The following GXYLT2 variants were observed in gnomAD, a reference collection of about 807,000 sequenced individuals.
The protein encoded by GXYLT2 is glycosyltransferase 8 domain containing 4.
In GXYLT2, 53 loss-of-function variants were observed where a neutral mutation model predicts 45.8. The ratio of observed to expected loss-of-function variants is 1.16; its 90% confidence interval spans 0.93 to 1.46. GXYLT2 has a LOEUF of 1.46. Ranked by LOEUF, GXYLT2 falls within the 40% of genes most tolerant of loss-of-function variation. GXYLT2 has a pLI of 0.00. For missense variants in GXYLT2, 551 were observed against 544.4 expected (o/e 1.01, Z -0.12); for synonymous variants, 219 against 214.2 (o/e 1.02, Z -0.19).
At chr3:72,902,904 T>G (rs1709434693) in intron 1 of GXYLT2, among the ~76,000 whole-genome samples, 2 of 152,090 alleles carry the variant, frequency 1.3e-5, no homozygotes, top group African/African-American at 4.8e-5. Context: ...TCCCAGCTAC[T>G]CGGGAGGCTG....
At chr3:72,965,103 A>G (rs1212406886) in intron 5 of GXYLT2, among the ~76,000 whole-genome samples, 3 of 152,178 alleles carry the variant, frequency 2.0e-5, no homozygotes, top group Non-Finnish European at 4.4e-5. Context: ...TGTATGTGCA[A>G]ATGTTCAGGT....
chr3:72,933,835 C>T (rs1020884119), intron 3 of GXYLT2, among the ~76,000 whole-genome samples: 8 of 152,034 alleles, frequency 5.3e-5, no homozygotes, highest in Non-Finnish European at 1.0e-4. Flanking sequence ...TCCAGGAGAT[C>T]GAGGCTGCAG....
At chr3:72,940,911 C>G (rs1445482614) in intron 3 of GXYLT2, among the ~76,000 whole-genome samples, 1 of 152,104 alleles carries the variant, frequency 6.6e-6, no homozygotes, top group Non-Finnish European at 1.5e-5. Context: ...AACTCCTGGC[C>G]TCAAGCAATA....
At chr3:72,889,088 C>G (rs1709126610) in intron 1 of GXYLT2, among the ~76,000 whole-genome samples, 1 of 152,144 alleles carries the variant, frequency 6.6e-6, no homozygotes, top group Admixed American at 6.5e-5. Flanking sequence ...CTGTTTCAGG[C>G]TCGAGTGTGG....
chr3:72,933,159 A>G (rs1296566688), intron 3 of GXYLT2, among the ~76,000 whole-genome samples: 1 of 152,192 alleles, frequency 6.6e-6, no homozygotes, highest in Non-Finnish European at 1.5e-5. Context: ...AACTACTGAG[A>G]CAGTTAATTC....
intron 1 of GXYLT2, 140 bp downstream of exon 1, chr3:72,888,648 C>A: frequency 1.8e-6 from 1 of 564,136 alleles, no homozygotes; most frequent in Non-Finnish European, 2.3e-6. Context: ...TGTTTCTTAA[C>A]CCGATAGAAA....
At chr3:72,901,484 A>G (rs539366917) in intron 1 of GXYLT2, among the ~76,000 whole-genome samples, 8 of 148,644 alleles carry the variant, frequency 5.4e-5, no homozygotes, top group African/African-American at 1.2e-4. Context: ...AAAAAAGTAT[A>G]CTATTCCATC....
At chr3:72,900,157 A>G (rs981019722) in intron 1 of GXYLT2, among the ~76,000 whole-genome samples, 10 of 152,242 alleles carry the variant, frequency 6.6e-5, no homozygotes, top group Non-Finnish European at 1.2e-4. Context: ...AGTAAATAGC[A>G]CTACACATAA....
chr3:72,975,258 TC>T lies in GXYLT2; in HGVS notation c.*101del. On this transcript the variant is annotated 3_prime_UTR_variant, in exon 7 of 7. Coordinates refer to ENST00000389617, the MANE Select transcript of GXYLT2 (RefSeq NM_001080393.2). ...TTTTTGTGTGAATATTTAATGGTGC[TC>T]CATGACTGTTGAGTTTTAAAAACCT... 1 of 833,448 alleles carries T rather than the reference TC, an allele frequency of 1.2e-6. No individual in the cohort carries two copies. The highest frequency in any genetic ancestry group is 1.8e-6 in the Non-Finnish European group (1 of 570,006). The allele number at this position is 833,448 out of a possible 1,614,324, so 51.6% of individuals were successfully genotyped here. A position where few individuals can be genotyped will look rare whatever the true frequency, so the allele number is the denominator to read the frequency against.
At chr3:72,889,906 T>TTG (rs1709148598) in intron 1 of GXYLT2, among the ~76,000 whole-genome samples, 3 of 134,986 alleles carry the variant, frequency 2.2e-5, no homozygotes, top group African/African-American at 9.2e-5. Context: ...GTTTTTTTTT[T>TTG]GTTTTTTTTT....
intron 6 of GXYLT2, among the ~76,000 whole-genome samples, chr3:72,968,078 A>G (rs983184793): frequency 1.3e-5 from 2 of 152,060 alleles, no homozygotes; most frequent in South Asian, 4.1e-4. Context: ...GGTTCAAGTG[A>G]TTTTCCTGCC....
rs1451679894 is a variant in GXYLT2, at chr3:72,888,450, C to T, written c.217C>T (p.Pro73Ser). The change falls in exon 1 of 7, where the codon CCG becomes TCG. Residue 73 changes from proline (P) to serine (S), a missense_variant. Physicochemically the swap from Pro to Ser is moderately conservative, Grantham distance 74. Coordinates refer to ENST00000389617, the MANE Select transcript of GXYLT2 (RefSeq NM_001080393.2). ...CCCGGGAGTTCGGAGGCGCCGGCCCCCGCGTCCGCGCCCCCGAGCGGGCCG... is the reference window on the plus strand; with the variant it reads ...CCCGGGAGTTCGGAGGCGCCGGCCCTCGCGTCCGCGCCCCCGAGCGGGCCG... ...ASPGVRRRRP[P>S]RPRPRAGRRG... is the part of the protein sequence containing the mutation. 4 of 1,212,840 alleles carry T rather than the reference C, an allele frequency of 3.3e-6. No individual in the cohort carries two copies. In the East Asian group the frequency reaches 1.1e-4, roughly 34 times the overall value. 75.1% of individuals were successfully genotyped at this position (1,212,840 alleles called of 1,614,324 possible).
chr3:72,904,104 A>C (rs35002149), intron 1 of GXYLT2, among the ~76,000 whole-genome samples: 1 of 152,240 alleles, frequency 6.6e-6, no homozygotes, highest in Non-Finnish European at 1.5e-5. Context: ...CCTGGACAGC[A>C]AATGTTCACT....
Position 72,967,662 on chromosome 3 carries a change from CG to C in GXYLT2, c.1093del (p.Val365SerfsTer36), listed in dbSNP as rs1481350942. ...GVSVLHGNRGVYHDDKQPTFR... is the reference protein window; with the variant it reads ...GVSVLHGNRGXYHDDKQPTFR... ...TGTCTGTTCTGCATGGAAACCGAGG[CG>C]TCTACCATGACGATAAGCAACCAAC... On this transcript the variant is annotated frameshift_variant, in exon 6 of 7. Coordinates refer to ENST00000389617, the MANE Select transcript of GXYLT2 (RefSeq NM_001080393.2). LOFTEE classifies it high-confidence loss of function. 1 of 1,613,776 alleles carries C rather than the reference CG, an allele frequency of 6.2e-7. No individual in the cohort carries two copies. Among genetic ancestry groups the C allele is most frequent in the African/African-American group, 1.3e-5 (1 of 74,908 alleles).
intron 2 of GXYLT2, among the ~76,000 whole-genome samples, chr3:72,916,809 A>G (rs1575787786): frequency 6.7e-6 from 1 of 149,988 alleles, no homozygotes; most frequent in South Asian, 2.1e-4. Context: ...GATGTGAGCC[A>G]CCTCGCCCAG....
intron 1 of GXYLT2, among the ~76,000 whole-genome samples, chr3:72,900,808 GTATT>G (rs547110648): frequency 2.1e-5 from 3 of 141,894 alleles, no homozygotes; most frequent in East Asian, 1.9e-4. Flanking sequence ...GTGCATTAAT[GTATT>G]TATTTATTTA....
intron 3 of GXYLT2, among the ~76,000 whole-genome samples, chr3:72,945,092 C>T (rs1710377914): frequency 1.4e-5 from 2 of 146,178 alleles, no homozygotes; most frequent in Admixed American, 1.4e-4. Flanking sequence ...TCCTGGCTAA[C>T]ACGGTGAAAC....
chr3:72,900,873 G>A (rs1709389946), intron 1 of GXYLT2, among the ~76,000 whole-genome samples: 1 of 152,014 alleles, frequency 6.6e-6, no homozygotes, highest in African/African-American at 2.4e-5. Flanking sequence ...ATACAATTCG[G>A]CCCAGGTACG....
intron 1 of GXYLT2, among the ~76,000 whole-genome samples, chr3:72,890,473 G>C (rs1709162210): frequency 6.6e-6 from 1 of 152,222 alleles, no homozygotes; most frequent in Non-Finnish European, 1.5e-5. Flanking sequence ...ATTGCACAAG[G>C]GTTAGCAGTT....
Sources: allele counts gnomAD v4.1 joint callset (sites outside exome capture counted in the v4.1 genomes callset), GRCh38; gene constraint gnomAD v4.1.1; transcripts MANE v1.5; gene names NCBI Gene and HGNC (gene_info 2026-07-23, HGNC 2026-07-21).